ADAP1: variants seen among roughly 807,000 people sequenced by gnomAD.
The protein encoded by ADAP1 is arf-GAP with dual PH domain-containing protein 1.
A neutral mutation model predicts 54.9 loss-of-function variants in ADAP1; 31 were observed. The ratio of observed to expected loss-of-function variants is 0.56; its 90% CI spans 0.42 to 0.76. The LOEUF (loss-of-function observed/expected upper bound fraction) is 0.76. Among genes scored for constraint, ADAP1 ranks in the 30% least tolerant of loss-of-function variants. The probability of loss-of-function intolerance (pLI) is 0.00; values close to 1 mark genes in which losing one functional copy is unlikely to be tolerated. For synonymous variants in ADAP1, 313 were observed against 202.6 expected (o/e 1.55, Z -4.63); for missense variants, 535 against 512.4 (o/e 1.04, Z -0.42).
At chr7:941,068 G>C (rs914743932) in intron 1 of ADAP1, among the ~76,000 whole-genome samples, 1 of 151,450 alleles carries the variant, frequency 6.6e-6, no homozygotes, top group African/African-American at 2.4e-5. Context: ...TCCCCAATTT[G>C]ACATAGATGA....
intron 1 of ADAP1, among the ~76,000 whole-genome samples, chr7:953,245 A>G (rs142071819): frequency 1.1e-3 from 166 of 152,288 alleles, no homozygotes; most frequent in African/African-American, 3.8e-3. Flanking sequence ...GAGACCATGG[A>G]AAGGCCGTGG....
At position 905,278 on chromosome 7, in the gene ADAP1, ACACGGACG is replaced by A. The variant is rs1562911093; in HGVS notation, c.389-114_389-107del. 3,582 of 350,150 alleles carry A rather than the reference ACACGGACG, an allele frequency of 0.01. 706 individuals carry two copies. The African/African-American group carries it at 0.24, about 24-fold the overall frequency. 21.7% of individuals were successfully genotyped at this position (350,150 alleles called of 1,614,324 possible). On this transcript the variant is annotated intron_variant, in intron 4 of 10. Transcript: ENST00000265846. ...GGGACATGGGGAGAAGACACGGGGG[ACACGGACG>A]GGGGACACGGACAGGGGGAGACGGA...
At chr7:901,462 C>A (rs1409893654) in intron 6 of ADAP1, 3 of 174,976 alleles carry the variant, frequency 1.7e-5, no homozygotes, top group Non-Finnish European at 3.7e-5. Context: ...CTCCCCAGCC[C>A]CTTTGGCCTT....
At chr7:919,859 T>TGGGGGAGGGAGGGAAAGAGAA in intron 4 of ADAP1, 109 bp downstream of exon 4, 1 of 169,814 alleles carries the variant, frequency 5.9e-6, no homozygotes, top group East Asian at 1.1e-4. Context: ...GGGAAAGAGA[T>TGGGGGAGGGAGGGAAAGAGAA]GGGGGAGGGA....
At chr7:939,494 A>C (rs1846882087) in intron 1 of ADAP1, among the ~76,000 whole-genome samples, 1 of 150,964 alleles carries the variant, frequency 6.6e-6, no homozygotes, top group Non-Finnish European at 1.5e-5. Context: ...CTGGGATTAC[A>C]GGCGTGAGCC....
chr7:919,058 T>TGCCTCCCAGCGCCC (rs1474609281), intron 4 of ADAP1, among the ~76,000 whole-genome samples: 3 of 152,092 alleles, frequency 2.0e-5, no homozygotes, highest in Non-Finnish European at 4.4e-5. Flanking sequence ...CCCATGGCAC[T>TGCCTCCCAGCGCCC]GCCTCCCAGC....
In ADAP1 at chr7:905,314, G is replaced by GAC. The variant is rs1845081547; in HGVS notation, c.389-143_389-142insGT. On this transcript the variant is annotated intron_variant, in intron 4 of 10. Transcript: ENST00000265846. ...GGACACGGACAGGGGGAGACGGACG[G>GAC]GGAGAGGGGACATGGAGGAGACAGG... The GAC allele has an allele frequency of 1.8e-5, 8 of 433,298 alleles. No individual in the cohort carries two copies. The African/African-American group carries it at 2.6e-4, about 14-fold the overall frequency. The allele number at this position is 433,298 out of a possible 1,614,324, so 26.8% of individuals were successfully genotyped here. A position where few individuals can be genotyped will look rare whatever the true frequency, so the allele number is the denominator to read the frequency against.
rs1284004253 is a variant in ADAP1 at position 906,666 on chromosome 7, AGG to A, written c.389-1496_389-1495del. On this transcript the variant is annotated intron_variant, in intron 4 of 10. Transcript: ENST00000265846. Reference sequence around the variant, plus strand: ...AGGGAAAGGAGAAAGGGGGCGGGAAAGGGGACATGGACAGGGGACACGGGGGA... The same window carrying A: ...AGGGAAAGGAGAAAGGGGGCGGGAAAGGACATGGACAGGGGACACGGGGGA... 2.4e-3 allele frequency among the ~76,000 whole-genome samples: 239 copies of A among 100,166 alleles called. 12 individuals are homozygous for A. The highest frequency in any genetic ancestry group is 4.6e-3 in the Middle Eastern group (1 of 216). 65.7% of individuals were successfully genotyped at this position (100,166 alleles called of 152,430 possible).
Position 945,726 on chromosome 7 carries a change from C to A in ADAP1, c.82+8670G>T. ...GGAGACTGCCCACAGCCGCCAGCCT[C>A]TTTCCCTCCCTCCTCCCAGCCCCGC... On this transcript the variant is annotated intron_variant, in intron 1 of 10. Coordinates refer to ENST00000265846, the MANE Select transcript of ADAP1 (RefSeq NM_006869.4). This position sits in a 1 kb window ranked among gnomAD's most constrained non-coding sequence, Gnocchi z 4.2. The A allele has an allele frequency of 1.0e-6, 1 of 985,910 alleles. No homozygotes were observed. The highest frequency in any genetic ancestry group is 1.2e-6 in the Non-Finnish European group (1 of 830,106). The allele number at this position is 985,910 out of a possible 1,614,324, so 61.1% of individuals were successfully genotyped here.
intron 1 of ADAP1, among the ~76,000 whole-genome samples, chr7:951,597 T>C (rs941365636): frequency 6.6e-6 from 1 of 150,558 alleles, no homozygotes. Flanking sequence ...TAGCTGGGCA[T>C]GGTGGCATGG....
At position 910,519 on chromosome 7, in the gene ADAP1, G is replaced by A. The variant is rs753821242; in HGVS notation, c.389-5347C>T. Among the ~76,000 whole-genome samples, 110 of 152,318 alleles carry A rather than the reference G, an allele frequency of 7.2e-4. 1 individual carries two copies. The highest frequency in any genetic ancestry group is 2.3e-3 in the South Asian group (11 of 4,832). On this transcript the variant is annotated intron_variant, in intron 4 of 10. Transcript: ENST00000265846. ...TCCTGCCTCTCCTCCCACCATACTG[G>A]GGTTGCAGCGTGAGCCCCACGCCTG...
intron 4 of ADAP1, among the ~76,000 whole-genome samples, chr7:915,595 C>T (rs929964455): frequency 3.3e-5 from 5 of 152,310 alleles, no homozygotes; most frequent in South Asian, 2.1e-4. Flanking sequence ...AACCCCTGCC[C>T]GAGGGTCACA....
intron 2 of ADAP1, among the ~76,000 whole-genome samples, chr7:933,123 T>C (rs1411302598): frequency 6.6e-6 from 1 of 151,536 alleles, no homozygotes; most frequent in Non-Finnish European, 1.5e-5. Context: ...ATACGAAAAT[T>C]AGCCGGGCGT....
Position 926,465 on chromosome 7 carries a change from A to G in ADAP1, c.305+88T>C. The stretch of plus-strand genomic sequence containing the variant: ...CTCCCCGACCCTGTGGGCGGCACCC[A>G]ACTCCCCACCCTGCCGGGTCCTCCC... On this transcript the variant is annotated intron_variant, in intron 3 of 10. Transcript: ENST00000265846. The surrounding 1 kb of genome is among the most constrained non-coding windows in gnomAD (Gnocchi z 4.6). 1 of 1,171,826 alleles carries G rather than the reference A, an allele frequency of 8.5e-7. No homozygotes were observed. Among genetic ancestry groups the G allele is most frequent in the Non-Finnish European group, 1.2e-6 (1 of 867,624 alleles). The allele number at this position is 1,171,826 out of a possible 1,614,324, so 72.6% of individuals were successfully genotyped here.
chr7:908,845 C>T (rs928761969), intron 4 of ADAP1, among the ~76,000 whole-genome samples: 1 of 152,180 alleles, frequency 6.6e-6, no homozygotes, highest in South Asian at 2.1e-4. Context: ...CCAATGCAGA[C>T]GACAAGTTTG....
At position 926,832 on chromosome 7, in the gene ADAP1, C is replaced by T. The variant is rs2128106838; in HGVS notation, c.214-188G>A. On this transcript the variant is annotated intron_variant, in intron 2 of 10. Transcript: ENST00000265846. This position sits in a 1 kb window ranked among gnomAD's most constrained non-coding sequence, Gnocchi z 4.6. ...ACCATTTCTGAGTGATCGACCCTCC[C>T]CTGGGACAGGGAAGGAGCCAGCGTC... 1 of 764,156 alleles carries T rather than the reference C, an allele frequency of 1.3e-6. No homozygotes were observed. Among genetic ancestry groups the T allele is most frequent in the Admixed American group, 3.4e-5 (1 of 29,398 alleles). 47.3% of individuals were successfully genotyped at this position (764,156 alleles called of 1,614,324 possible).
intron 6 of ADAP1, 118 bp from the exon 7 acceptor site, chr7:900,734 T>C (rs1844760588): frequency 1.2e-6 from 1 of 805,710 alleles, no homozygotes; most frequent in Non-Finnish European, 1.9e-6. Flanking sequence ...CCCTTCCTCC[T>C]CCCCGGCACC....
At position 904,168 on chromosome 7, in the gene ADAP1, G is replaced by C; in HGVS notation, c.606C>G (p.Asp202Glu). 2.5e-6 allele frequency: 4 copies of C among 1,612,620 alleles called. No individual in the cohort carries two copies. Among genetic ancestry groups the C allele is most frequent in the South Asian group, 1.1e-5 (1 of 91,086 alleles). ...PHGLQVTYLK[D>E]NSTRNIFIYH... ...AGATGAAGATGTTACGGGTGCTGTT[G>C]TCCTTCAGGTAGGTGACCTGCAGGC... The change falls in exon 6 of 11, where the codon GAC becomes GAG. Residue 202 changes from aspartate (D) to glutamate (E), a missense_variant. By Grantham distance (45) the Asp-to-Glu change is conservative. Coordinates refer to ENST00000265846, the MANE Select transcript of ADAP1 (RefSeq NM_006869.4).
intron 4 of ADAP1, among the ~76,000 whole-genome samples, chr7:910,438 A>T (rs932282984): frequency 2.6e-5 from 4 of 151,904 alleles, no homozygotes; most frequent in Non-Finnish European, 5.9e-5. Context: ...TTTTGTAGAG[A>T]TGGGAGCTCA....
Sources: allele counts gnomAD v4.1 joint callset (sites outside exome capture counted in the v4.1 genomes callset), GRCh38; gene constraint gnomAD v4.1.1; non-coding constraint Gnocchi (gnomAD v3.1); transcripts MANE v1.5; gene names NCBI Gene and HGNC (gene_info 2026-07-23, HGNC 2026-07-21).